WWOX: variants seen among roughly 807,000 people sequenced by gnomAD.
The protein encoded by WWOX is WW domain-containing oxidoreductase.
A neutral mutation model predicts 46.2 loss-of-function variants in WWOX; 69 were observed. That is an observed-to-expected ratio of 1.49 (90% CI 1.23 to 1.82). The LOEUF (loss-of-function observed/expected upper bound fraction) is 1.82, where lower values mean the gene tolerates loss of function less well. Among genes scored for constraint, WWOX ranks in the 40% most tolerant of loss-of-function variants. The pLI is 0.00. For synonymous variants in WWOX, 359 were observed against 202.6 expected, an observed-to-expected ratio of 1.77 and a Z score of -6.56; for missense variants, 919 against 542.6, an observed-to-expected ratio of 1.69 and a Z score of -6.89.
At chr16:78,756,270 G>C (rs7192092) in intron 8 of WWOX, among the ~76,000 whole-genome samples, 20,942 of 152,046 alleles carry the variant, frequency 0.14, 1,853 homozygotes, top group African/African-American at 0.24. Context: ...CATGTTGGCA[G>C]ACAGTTTTGT....
At chr16:78,613,233 C>T (rs1317776682) in intron 8 of WWOX, among the ~76,000 whole-genome samples, 1 of 152,170 alleles carries the variant, frequency 6.6e-6, no homozygotes, top group Non-Finnish European at 1.5e-5. Flanking sequence ...CATTTCCTGA[C>T]ATTCCCAACA....
intron 5 of WWOX, among the ~76,000 whole-genome samples, chr16:78,223,073 T>C (rs1037511389): frequency 2.0e-5 from 3 of 152,172 alleles, no homozygotes; most frequent in African/African-American, 7.2e-5. Flanking sequence ...AGAAGTGTCC[T>C]TGCGGTGATC....
intron 8 of WWOX, among the ~76,000 whole-genome samples, chr16:78,554,762 A>G (rs2044249473): frequency 1.3e-5 from 2 of 151,986 alleles, no homozygotes; most frequent in South Asian, 2.1e-4. Context: ...CTTCTTCTCT[A>G]TTTCTGAGTC....
At chr16:78,880,087 A>G (rs1163541549) in intron 8 of WWOX, among the ~76,000 whole-genome samples, 1 of 152,200 alleles carries the variant, frequency 6.6e-6, no homozygotes, top group African/African-American at 2.4e-5. Flanking sequence ...ACCGTATGCA[A>G]CTTGTCAAAC....
intron 8 of WWOX, among the ~76,000 whole-genome samples, chr16:78,497,292 C>A (rs1242320068): frequency 2.0e-5 from 3 of 152,168 alleles, no homozygotes; most frequent in African/African-American, 7.2e-5. Context: ...TCTTTTCTTA[C>A]CTCACACCAT....
chr16:78,734,406 T>C (rs1033370792), intron 8 of WWOX, among the ~76,000 whole-genome samples: 2 of 152,126 alleles, frequency 1.3e-5, no homozygotes, highest in African/African-American at 4.8e-5. Flanking sequence ...TAGCCCTAAT[T>C]GGAATATAGT....
chr16:78,654,825 G>T (rs769540623), intron 8 of WWOX, among the ~76,000 whole-genome samples: 1 of 151,502 alleles, frequency 6.6e-6, no homozygotes, highest in Non-Finnish European at 1.5e-5. Context: ...ATAGACCAGT[G>T]ATTCTTCAGT....
intron 8 of WWOX, among the ~76,000 whole-genome samples, chr16:78,559,565 A>C (rs1428373178): frequency 6.6e-6 from 1 of 152,236 alleles, no homozygotes; most frequent in Non-Finnish European, 1.5e-5. Flanking sequence ...CGTGCTGGAA[A>C]AAAGAGGCTC....
In WWOX at chr16:79,165,431, G is replaced by A. The variant is rs189680367; in HGVS notation, c.1057-46177G>A. Among the ~76,000 whole-genome samples the A allele has an allele frequency of 1.6e-3, 246 of 152,224 alleles. 1 individual carries two copies. Among genetic ancestry groups the A allele is most frequent in the Admixed American group, 2.9e-3 (44 of 15,288 alleles). On this transcript the variant is annotated intron_variant, in intron 8 of 8. Coordinates refer to ENST00000566780, the MANE Select transcript of WWOX (RefSeq NM_016373.4). ...TGCAGCTAAATTTCCCACTGCAGCC[G>A]GTAGCATATTGCTTCATAAATGTCT...
At chr16:78,486,739 G>A (rs1489213444) in intron 8 of WWOX, among the ~76,000 whole-genome samples, 1 of 152,068 alleles carries the variant, frequency 6.6e-6, no homozygotes, top group Non-Finnish European at 1.5e-5. Flanking sequence ...ATGCCCAGCT[G>A]ATTTTTGTAT....
At chr16:78,775,757 A>G (rs1597590244) in intron 8 of WWOX, among the ~76,000 whole-genome samples, 3 of 152,202 alleles carry the variant, frequency 2.0e-5, no homozygotes, top group African/African-American at 4.8e-5. Flanking sequence ...CATCATTGCT[A>G]GTGACTTTAT....
At chr16:78,503,125 G>A (rs527262736) in intron 8 of WWOX, among the ~76,000 whole-genome samples, 2 of 152,244 alleles carry the variant, frequency 1.3e-5, no homozygotes, top group South Asian at 2.1e-4. Context: ...ACTCGCAAGC[G>A]ATGTGTGTCT....
In WWOX at chr16:78,469,297, T is replaced by C. The variant is rs564569494; in HGVS notation, c.1056+36545T>C. 1.8e-4 allele frequency among the ~76,000 whole-genome samples: 27 copies of C among 152,216 alleles called. No homozygotes were observed. In the South Asian group the frequency reaches 5.4e-3, roughly 30 times the overall value. ...TGGTACTATGAAGACATTTCCCTTA[T>C]GCAATTTGTTTTCCATCTAAGAGCA... On this transcript the variant is annotated intron_variant, in intron 8 of 8. Coordinates refer to ENST00000566780, the MANE Select transcript of WWOX (RefSeq NM_016373.4).
chr16:78,644,055 T>C (rs2046785187), intron 8 of WWOX, among the ~76,000 whole-genome samples: 1 of 152,072 alleles, frequency 6.6e-6, no homozygotes, highest in Non-Finnish European at 1.5e-5. Context: ...AAAACCTGTG[T>C]CTTCTAAAAG....
chr16:78,713,339 G>C (rs540239787), intron 8 of WWOX, among the ~76,000 whole-genome samples: 3 of 150,378 alleles, frequency 2.0e-5, no homozygotes, highest in Admixed American at 1.3e-4. Context: ...ACAGGGCATG[G>C]TGTGAGCTGG....
intron 8 of WWOX, among the ~76,000 whole-genome samples, chr16:78,925,944 T>C (rs1213432480): frequency 1.3e-5 from 2 of 152,112 alleles, no homozygotes; most frequent in South Asian, 2.1e-4. Flanking sequence ...ATGAATGCGA[T>C]TGGGCAGAAA....
intron 8 of WWOX, among the ~76,000 whole-genome samples, chr16:79,093,636 A>G (rs935565059): frequency 3.3e-5 from 5 of 152,196 alleles, no homozygotes; most frequent in Non-Finnish European, 7.3e-5. Flanking sequence ...CACCCACAAC[A>G]AACATCACGA....
intron 4 of WWOX, among the ~76,000 whole-genome samples, chr16:78,149,293 G>T (rs2034316255): frequency 6.6e-6 from 1 of 152,190 alleles, no homozygotes; most frequent in Non-Finnish European, 1.5e-5. Flanking sequence ...TGGAAGTATA[G>T]AAGTGGGGTT....
chr16:78,904,892 T>A (rs986088544), intron 8 of WWOX, among the ~76,000 whole-genome samples: 6 of 152,186 alleles, frequency 3.9e-5, no homozygotes, highest in African/African-American at 1.4e-4. Context: ...CACACACCTT[T>A]CTTTTATTGG....
Sources: gnomAD v4.1 joint callset for allele counts (sites outside exome capture counted in the v4.1 genomes callset) on GRCh38, gnomAD v4.1.1 for gene constraint, MANE v1.5 for transcripts, NCBI Gene and HGNC (gene_info 2026-07-23, HGNC 2026-07-21) for gene names.